Variants in SERINC5 observed in about 807,000 individuals in gnomAD.
The protein encoded by SERINC5 is chromosome 5 open reading frame 12.
A neutral mutation model predicts 63.1 loss-of-function variants in SERINC5; 41 were observed. The observed-to-expected ratio is 0.65, with a 90% CI of 0.51 to 0.84. The LOEUF (loss-of-function observed/expected upper bound fraction) is 0.84, where lower values mean the gene tolerates loss of function less well. Ranked by LOEUF, SERINC5 falls within the 40% of genes least tolerant of loss-of-function variation. SERINC5 has a pLI of 0.00. For synonymous variants in SERINC5, 222 were observed against 215.2 expected, an observed-to-expected ratio of 1.03 and a Z score of -0.28; for missense variants, 523 against 573.0, an observed-to-expected ratio of 0.91 and a Z score of 0.89.
At chr5:80,117,857 T>A (rs1468933094) in intron 11 of SERINC5, among the ~76,000 whole-genome samples, 1 of 151,920 alleles carries the variant, frequency 6.6e-6, no homozygotes, top group Non-Finnish European at 1.5e-5. Context: ...TTCTACCTAG[T>A]CTTCTTATCA....
chr5:80,195,635 T>C (rs1402315715), intron 2 of SERINC5, among the ~76,000 whole-genome samples: 2 of 152,226 alleles, frequency 1.3e-5, no homozygotes, highest in Non-Finnish European at 2.9e-5. Context: ...TTTATTTTAA[T>C]TCTTCAGTTT....
intron 1 of SERINC5, among the ~76,000 whole-genome samples, chr5:80,221,402 G>C (rs1314151910): frequency 3.3e-5 from 5 of 152,070 alleles, no homozygotes; most frequent in Non-Finnish European, 5.9e-5. Flanking sequence ...TTTCCCGTGC[G>C]ATCACACACG....
chr5:80,159,501 T>A (rs551147575), intron 7 of SERINC5, among the ~76,000 whole-genome samples: 140 of 152,290 alleles, frequency 9.2e-4, no homozygotes, highest in African/African-American at 3.2e-3. Flanking sequence ...TTCATTCGCA[T>A]TTACTTGCAT....
In SERINC5 at chr5:80,138,815, A is replaced by G; in HGVS notation, c.*4848T>C. 1.0e-6 allele frequency: 1 copy of G among 984,608 alleles called. No homozygotes were observed. The highest frequency in any genetic ancestry group is 1.2e-6 in the Non-Finnish European group (1 of 829,174). The allele number at this position is 984,608 out of a possible 1,614,324, so 61.0% of individuals were successfully genotyped here. A position where few individuals can be genotyped will look rare whatever the true frequency, so the allele number is the denominator to read the frequency against. Reference sequence around the variant, plus strand: ...CTTGAGAGACCTGATTAACATCTGAAGGCAACATCTCTGCAAAACAACTAA... The same window carrying G: ...CTTGAGAGACCTGATTAACATCTGAGGGCAACATCTCTGCAAAACAACTAA... On this transcript the variant is annotated 3_prime_UTR_variant, in exon 12 of 12. Transcript: ENST00000507668.
At chr5:80,211,331 A>C (rs1750421074) in intron 1 of SERINC5, among the ~76,000 whole-genome samples, 1 of 152,166 alleles carries the variant, frequency 6.6e-6, no homozygotes, top group South Asian at 2.1e-4. Context: ...AGCCCTCCAG[A>C]AGAATGCCCT....
At chr5:80,240,364 A>C (rs934633047) in intron 1 of SERINC5, among the ~76,000 whole-genome samples, 2 of 152,180 alleles carry the variant, frequency 1.3e-5, no homozygotes, top group Admixed American at 6.6e-5. Context: ...AAAATGCCAA[A>C]TTTACCATAG....
At chr5:80,147,006 AT>A (rs1179760780) in intron 10 of SERINC5, among the ~76,000 whole-genome samples, 1 of 152,210 alleles carries the variant, frequency 6.6e-6, no homozygotes, top group Non-Finnish European at 1.5e-5. Flanking sequence ...TCACTGTATA[AT>A]TTAACTTACA....
At chr5:80,190,595 A>C (rs866743957) in intron 2 of SERINC5, among the ~76,000 whole-genome samples, 4 of 152,346 alleles carry the variant, frequency 2.6e-5, no homozygotes, top group Middle Eastern at 3.4e-3. Flanking sequence ...AGTTCATGCT[A>C]AAAAGAGCTA....
At position 80,169,473 on chromosome 5, in the gene SERINC5, C is replaced by T. The variant is rs375069642; in HGVS notation, c.625G>A (p.Ala209Thr). 5.0e-6 allele frequency: 8 copies of T among 1,613,832 alleles called. No homozygotes were observed. The African/African-American group carries it at 6.7e-5, about 13-fold the overall frequency. The change falls in exon 6 of 12, where the codon GCC (alanine) becomes ACC (threonine). Residue 209 changes from alanine (A) to threonine (T), a missense_variant. Transcript: ENST00000507668. ...ALVTLIMYSI[A>T]TGGLVLMAVF... Reference sequence around the variant, plus strand: ...GCCATCAAAACCAAGCCTCCAGTGGCAATGGAATACATGATGAGCGTCACC... The same window carrying T: ...GCCATCAAAACCAAGCCTCCAGTGGTAATGGAATACATGATGAGCGTCACC...
intron 8 of SERINC5, among the ~76,000 whole-genome samples, chr5:80,155,289 C>T (rs1472049933): frequency 6.6e-6 from 1 of 152,212 alleles, no homozygotes; most frequent in Non-Finnish European, 1.5e-5. Context: ...TCAGGGCTGG[C>T]CATGGCGGCT....
intron 1 of SERINC5, among the ~76,000 whole-genome samples, chr5:80,254,833 G>A (rs921603338): frequency 6.6e-6 from 1 of 152,136 alleles, no homozygotes; most frequent in Admixed American, 6.6e-5. Flanking sequence ...ACAGCTCCAC[G>A]TGGCCACTCT....
At chr5:80,213,245 C>CAGAAAAAAAAAAAAAA (rs1750516954) in intron 1 of SERINC5, among the ~76,000 whole-genome samples, 1 of 132,662 alleles carries the variant, frequency 7.5e-6, no homozygotes, top group South Asian at 2.3e-4. Flanking sequence ...GACTGCATCT[C>CAGAAAAAAAAAAAAAA]AAAGAAAGAA....
At chr5:80,194,799 C>G (rs6888220) in intron 2 of SERINC5, among the ~76,000 whole-genome samples, 29,856 of 152,092 alleles carry the variant, frequency 0.2, 3,185 homozygotes, top group Admixed American at 0.23. Flanking sequence ...CTGTGAATAT[C>G]TGACCAACAA....
chr5:80,243,037 A>T (rs570636964), intron 1 of SERINC5, among the ~76,000 whole-genome samples: 1 of 152,262 alleles, frequency 6.6e-6, no homozygotes, highest in African/African-American at 2.4e-5. Flanking sequence ...CACCCGATTA[A>T]AGCCTTCTTC....
Position 80,140,148 on chromosome 5 carries a change from C to G in SERINC5, c.*3515G>C, listed in dbSNP as rs1404186515. 1.4e-5 allele frequency: 10 copies of G among 734,494 alleles called. No homozygotes were observed. The highest frequency in any genetic ancestry group is 1.9e-5 in the African/African-American group (1 of 52,104). The allele number at this position is 734,494 out of a possible 1,614,324, so 45.5% of individuals were successfully genotyped here. On this transcript the variant is annotated 3_prime_UTR_variant, in exon 12 of 12. Transcript: ENST00000507668. ...AGTTTGAGACCAGCCTGGACAACCC[C>G]ATCTCTACAAAAAAATAAAAATCGG...
chr5:80,163,323 T>A (rs1747064147), intron 7 of SERINC5, among the ~76,000 whole-genome samples: 2 of 152,180 alleles, frequency 1.3e-5, no homozygotes, highest in African/African-American at 4.8e-5. Flanking sequence ...GGATACCTTT[T>A]ATTTCTTCCT....
At chr5:80,240,952 G>C (rs1160336859) in intron 1 of SERINC5, among the ~76,000 whole-genome samples, 1 of 152,130 alleles carries the variant, frequency 6.6e-6, no homozygotes, top group Non-Finnish European at 1.5e-5. Flanking sequence ...GGGATTATAG[G>C]CATGAGCCAC....
chr5:80,220,547 C>CT lies in SERINC5; in HGVS notation c.28-17495dup, dbSNP rs1750855685. 2.0e-5 allele frequency among the ~76,000 whole-genome samples: 3 copies of CT among 152,166 alleles called. No homozygotes were observed. In the South Asian group the frequency reaches 6.2e-4, roughly 32 times the overall value. On this transcript the variant is annotated intron_variant, in intron 1 of 11. Coordinates refer to ENST00000507668, the MANE Select transcript of SERINC5 (RefSeq NM_001174072.3). Reference sequence around the variant, plus strand: ...ATGTTGGACTGGGCAAAGAAGGCTCCTTTGAAGATTCTGGATCTTTCTCAC... The same window carrying CT: ...ATGTTGGACTGGGCAAAGAAGGCTCCTTTTGAAGATTCTGGATCTTTCTCAC...
chr5:80,127,688 G>T (rs1447138219), intron 11 of SERINC5, among the ~76,000 whole-genome samples: 1 of 151,948 alleles, frequency 6.6e-6, no homozygotes, highest in Non-Finnish European at 1.5e-5. Context: ...TTAAACTTGT[G>T]TTAATTTATA....
Sources: allele counts gnomAD v4.1 joint callset (sites outside exome capture counted in the v4.1 genomes callset), GRCh38; gene constraint gnomAD v4.1.1; transcripts MANE v1.5; gene names NCBI Gene and HGNC (gene_info 2026-07-23, HGNC 2026-07-21).